Variants in CTDSP2 observed in about 807,000 individuals in gnomAD.
CTDSP2 encodes the protein CTD small phosphatase 2, also known as carboxy-terminal domain RNA polymerase II polypeptide A small phosphatase 2.
A neutral mutation model predicts 31.6 loss-of-function variants in CTDSP2; 9 were observed. The ratio of observed to expected loss-of-function variants is 0.28; its 90% CI spans 0.17 to 0.50. CTDSP2 has a LOEUF of 0.50. CTDSP2 is among the 20% of genes least tolerant of loss of function. CTDSP2 has a pLI of 0.98. For missense variants in CTDSP2, 267 were observed against 348.5 expected, an observed-to-expected ratio of 0.77 and a Z score of 1.86; for synonymous variants, 134 against 134.5, an observed-to-expected ratio of 1.00 and a Z score of 0.03.
At chr12:57,836,496 C>CA (rs896644925) in intron 1 of CTDSP2, among the ~76,000 whole-genome samples, 54 of 151,116 alleles carry the variant, frequency 3.6e-4, no homozygotes, top group Admixed American at 2.3e-3. Context: ...CCTGTTCTAC[C>CA]AAAAAAAAAT....
chr12:57,839,307 T>G (rs928883229), intron 1 of CTDSP2, among the ~76,000 whole-genome samples: 1 of 152,178 alleles, frequency 6.6e-6, no homozygotes, highest in African/African-American at 2.4e-5. Context: ...AGGGCACAAT[T>G]CTCTGGGGTT....
chr12:57,839,776 T>C (rs765553066), intron 1 of CTDSP2, among the ~76,000 whole-genome samples: 42 of 152,074 alleles, frequency 2.8e-4, no homozygotes, highest in Admixed American at 4.6e-4. Flanking sequence ...ACACTAGCCA[T>C]GTACCCTTGG....
At chr12:57,828,532 C>T (rs1429694180) in intron 2 of CTDSP2, among the ~76,000 whole-genome samples, 1 of 152,152 alleles carries the variant, frequency 6.6e-6, no homozygotes, top group African/African-American at 2.4e-5. Context: ...GTACTGCCTT[C>T]AAATCTGTGT....
At chr12:57,834,095 A>G (rs1956232473) in intron 1 of CTDSP2, among the ~76,000 whole-genome samples, 1 of 152,184 alleles carries the variant, frequency 6.6e-6, no homozygotes. Context: ...TACCCTGTAT[A>G]GGGTCTCATA....
At chr12:57,835,804 A>C (rs1956244351) in intron 1 of CTDSP2, among the ~76,000 whole-genome samples, 1 of 152,102 alleles carries the variant, frequency 6.6e-6, no homozygotes, top group African/African-American at 2.4e-5. Flanking sequence ...AGAAGAGGGG[A>C]TGTGAGGAGT....
intron 5 of CTDSP2, among the ~76,000 whole-genome samples, chr12:57,825,977 T>C (rs1169069660): frequency 2.6e-5 from 4 of 152,202 alleles, no homozygotes; most frequent in Non-Finnish European, 5.9e-5. Context: ...TTAACAGGTA[T>C]AGATACCTTT....
chr12:57,839,938 TA>T (rs1956272607), intron 1 of CTDSP2, among the ~76,000 whole-genome samples: 1 of 152,126 alleles, frequency 6.6e-6, no homozygotes, highest in Non-Finnish European at 1.5e-5. Context: ...AAGTACTCTA[TA>T]AATATTGGCT....
chr12:57,820,865 C>G lies in CTDSP2; in HGVS notation c.*2737G>C, dbSNP rs1308507651. The stretch of plus-strand genomic sequence containing the variant: ...TGATTTAGAAGCCCAATCAGAGAGA[C>G]ACACTGTGTCCCTGAAGAGGCACCT... On this transcript the variant is annotated 3_prime_UTR_variant, in exon 8 of 8. Transcript: ENST00000398073. 6.6e-6 allele frequency: 1 copy of G among 152,230 alleles called. No homozygotes were observed. The highest frequency in any genetic ancestry group is 2.1e-4 in the South Asian group (1 of 4,830). 9.4% of individuals were successfully genotyped at this position (152,230 alleles called of 1,614,324 possible).
At position 57,823,536 on chromosome 12, in the gene CTDSP2, T is replaced by C; in HGVS notation, c.*66A>G. The C allele has an allele frequency of 1.3e-6, 2 of 1,585,260 alleles. No homozygotes were observed. Among genetic ancestry groups the C allele is most frequent in the Non-Finnish European group, 1.7e-6 (2 of 1,165,222 alleles). On this transcript the variant is annotated 3_prime_UTR_variant, in exon 8 of 8. Transcript: ENST00000398073. ...CACTCCAGCTTCTACTCTGTCACGC[T>C]GATCGTAAAGGCACAGTGTGGGAAA...
In CTDSP2 at chr12:57,823,989, T is replaced by C. The variant is rs1956166284; in HGVS notation, c.605A>G (p.Asp202Gly). Reference sequence around the variant, plus strand: ...CAGGTCCCTCCCCAGGCGGCTGAGGTCCTTGACGTAGCAGCCCTGGTGGAA... The same window carrying C: ...CAGGTCCCTCCCCAGGCGGCTGAGGCCCTTGACGTAGCAGCCCTGGTGGAA... ...CVFHQGCYVKDLSRLGRDLRK... is the reference protein window; with the variant it reads ...CVFHQGCYVKGLSRLGRDLRK... Residue 202 changes from aspartate to glycine, a missense_variant, in exon 7 of 8, where the codon GAC (aspartate) becomes GGC (glycine). By Grantham distance (94) the Asp-to-Gly change is moderately conservative. Around this residue, in one of 2 missense-constraint regions of CTDSP2, gnomAD observed 156 missense variants for 241.3 expected, o/e 0.65. Coordinates refer to ENST00000398073, the MANE Select transcript of CTDSP2 (RefSeq NM_005730.4). 1.9e-6 allele frequency: 3 copies of C among 1,613,952 alleles called. No individual in the cohort carries two copies. Among genetic ancestry groups the C allele is most frequent in the Non-Finnish European group, 2.5e-6 (3 of 1,179,988 alleles).
At chr12:57,828,287 C>T (rs1956195251) in intron 2 of CTDSP2, among the ~76,000 whole-genome samples, 1 of 152,108 alleles carries the variant, frequency 6.6e-6, no homozygotes, top group Non-Finnish European at 1.5e-5. Flanking sequence ...GTCGTGGTGG[C>T]ACATGCCTGT....
At chr12:57,836,642 TAA>T (rs570328413) in intron 1 of CTDSP2, among the ~76,000 whole-genome samples, 50 of 146,584 alleles carry the variant, frequency 3.4e-4, no homozygotes, top group Non-Finnish European at 5.7e-4. Context: ...ATTTTGTCTT[TAA>T]AAAAAAAAAG....
At position 57,823,657 on chromosome 12, in the gene CTDSP2, T is replaced by A; in HGVS notation, c.761A>T (p.Glu254Val). 10 of 1,614,086 alleles carry A rather than the reference T, an allele frequency of 6.2e-6. No individual in the cohort carries two copies. The highest frequency in any genetic ancestry group is 8.5e-6 in the Non-Finnish European group (10 of 1,180,008). The change falls in exon 8 of 8, where the codon GAG (glutamate) becomes GTG (valine). Residue 254 changes from glutamate to valine, a missense_variant. Glu to Val is a moderately radical substitution (Grantham distance 121, BLOSUM62 -2). This residue lies in a region of CTDSP2 where 156 missense variants were observed against 241.3 expected (regional missense o/e 0.65). Transcript: ENST00000398073. ...ELLNLIPIFE[E>V]LSGAEDVYTS... ...GTAGACGTCCTCTGCTCCGCTCAGC[T>A]CCTCAAAGATTGGGATCAGGTTCAG...
At chr12:57,824,127 C>T in intron 6 of CTDSP2, 38 bp from the exon 7 acceptor site, 1 of 1,612,248 alleles carries the variant, frequency 6.2e-7, no homozygotes, top group Non-Finnish European at 8.5e-7. Context: ...GGATACACTC[C>T]TGGTCCTCCT....
intron 5 of CTDSP2, 43 bp downstream of exon 5, chr12:57,826,302 AC>A (rs754241031): frequency 1.9e-6 from 3 of 1,588,570 alleles, no homozygotes; most frequent in Admixed American, 3.3e-5. Flanking sequence ...CAGAAGGCAG[AC>A]CCCCCACCCT....
chr12:57,841,826 A>G (rs1004129667), intron 1 of CTDSP2, among the ~76,000 whole-genome samples: 3 of 152,248 alleles, frequency 2.0e-5, no homozygotes, highest in African/African-American at 7.2e-5. Context: ...GGAGGACATT[A>G]ATATTTATCA....
chr12:57,837,260 C>CCA (rs1956253511), intron 1 of CTDSP2: 1 of 152,300 alleles, frequency 6.6e-6, no homozygotes, highest in Non-Finnish European at 1.5e-5. Context: ...TAGACAGCCC[C>CCA]CACACACAAA....
At chr12:57,839,124 GC>G (rs1462082578) in intron 1 of CTDSP2, among the ~76,000 whole-genome samples, 1 of 152,126 alleles carries the variant, frequency 6.6e-6, no homozygotes, top group Non-Finnish European at 1.5e-5. Flanking sequence ...GAAGGAGTCT[GC>G]CAGGGAGGCA....
intron 1 of CTDSP2, among the ~76,000 whole-genome samples, chr12:57,839,103 C>T (rs1178477496): frequency 6.6e-6 from 1 of 152,122 alleles, no homozygotes; most frequent in Non-Finnish European, 1.5e-5. Context: ...CTGGCCTCTG[C>T]AGAAGGAATG....
Sources: gnomAD v4.1 joint callset for allele counts (sites outside exome capture counted in the v4.1 genomes callset) on GRCh38, gnomAD v4.1.1 for gene constraint, gnomAD v4.1.1 regional missense constraint, MANE v1.5 for transcripts, NCBI Gene and HGNC (gene_info 2026-07-23, HGNC 2026-07-21) for gene names.